Variants in DAPK1 observed in about 807,000 individuals in gnomAD.
DAPK1 encodes the protein death associated protein kinase 1, also known as death-associated protein kinase 1.
In DAPK1, 56 loss-of-function variants were observed where a neutral mutation model predicts 144.9. That is an observed-to-expected ratio of 0.39 (90% CI 0.31 to 0.48). The LOEUF (loss-of-function observed/expected upper bound fraction) is 0.48, where lower values mean the gene tolerates loss of function less well. Among genes scored for constraint, DAPK1 ranks in the 20% least tolerant of loss-of-function variants. DAPK1 has a pLI of 0.95. For missense variants in DAPK1, 1,454 were observed against 1,875.4 expected (o/e 0.78, Z 4.15); for synonymous variants, 690 against 749.0 (o/e 0.92, Z 1.29).
At chr9:87,503,415 A>G (rs1394093378) in intron 2 of DAPK1, among the ~76,000 whole-genome samples, 3 of 152,112 alleles carry the variant, frequency 2.0e-5, no homozygotes, top group Non-Finnish European at 2.9e-5. Context: ...TAGGGCAGAG[A>G]CACTGTGCCT....
Position 87,698,701 on chromosome 9 carries a change from C to T in DAPK1, c.2657C>T (p.Ala886Val). 1 of 1,597,888 alleles carries T rather than the reference C, an allele frequency of 6.3e-7. No individual in the cohort carries two copies. The highest frequency in any genetic ancestry group is 8.6e-7 in the Non-Finnish European group (1 of 1,165,206). ...LKNPLQVVLV[A>V]THADIMNVPR... ...AACCCACTCCAAGTTGTCCTGGTGG[C>T]CACCCACGCTGACATCATGAATGTT... is the stretch of plus-strand genomic sequence containing the variant. The change falls in exon 23 of 26, where the codon GCC becomes GTC. Residue 886 changes from alanine (A) to valine (V), a missense_variant. By Grantham distance (64) the Ala-to-Val change is moderately conservative (BLOSUM62 0). Coordinates refer to ENST00000408954, the MANE Select transcript of DAPK1 (RefSeq NM_004938.4).
chr9:87,679,132 A>G (rs1046769436), intron 19 of DAPK1, among the ~76,000 whole-genome samples: 6 of 151,578 alleles, frequency 4.0e-5, no homozygotes, highest in African/African-American at 1.5e-4. Context: ...TCTGTCATTT[A>G]TATGACACTG....
intron 2 of DAPK1, among the ~76,000 whole-genome samples, chr9:87,504,214 T>C (rs1417814979): frequency 1.3e-5 from 2 of 152,216 alleles, no homozygotes; most frequent in Non-Finnish European, 2.9e-5. Flanking sequence ...ATGTTTCCTC[T>C]GATAGGAAAG....
At chr9:87,666,097 G>A (rs1358944776) in intron 18 of DAPK1, among the ~76,000 whole-genome samples, 2 of 152,216 alleles carry the variant, frequency 1.3e-5, no homozygotes, top group Non-Finnish European at 2.9e-5. Context: ...AGGCCAGGTA[G>A]TTAGGGCAAT....
At chr9:87,639,870 T>G in intron 7 of DAPK1, 55 bp downstream of exon 7, 1 of 1,581,666 alleles carries the variant, frequency 6.3e-7, no homozygotes. Context: ...GACCATAGGT[T>G]TAATTAACCA....
chr9:87,697,935 A>T (rs1046590495), intron 22 of DAPK1, among the ~76,000 whole-genome samples: 4 of 152,222 alleles, frequency 2.6e-5, no homozygotes, highest in African/African-American at 9.6e-5. Context: ...CCTGGGTGAC[A>T]CAGTGAGACC....
At chr9:87,683,088 T>TA (rs200881918) in intron 20 of DAPK1, among the ~76,000 whole-genome samples, 6,249 of 147,354 alleles carry the variant, frequency 0.042, 233 homozygotes, top group East Asian at 0.15. Context: ...TTTATTTATT[T>TA]TTTTTTTTTT....
intron 2 of DAPK1, among the ~76,000 whole-genome samples, chr9:87,572,593 G>T (rs933957482): frequency 6.6e-6 from 1 of 152,066 alleles, no homozygotes; most frequent in Admixed American, 6.5e-5. Flanking sequence ...GTGAGACCTG[G>T]TTGCTGAAAA....
chr9:87,605,468 G>A (rs1284648895), intron 3 of DAPK1, among the ~76,000 whole-genome samples: 1 of 152,138 alleles, frequency 6.6e-6, no homozygotes, highest in East Asian at 1.9e-4. Context: ...GAGCACATCT[G>A]TTTTCTGAGT....
chr9:87,535,354 G>A (rs1370544563), intron 2 of DAPK1, among the ~76,000 whole-genome samples: 1 of 152,034 alleles, frequency 6.6e-6, no homozygotes, highest in Non-Finnish European at 1.5e-5. Flanking sequence ...ATTTATTTTA[G>A]TGTTTAATTC....
At chr9:87,704,278 T>C (rs1427017759) in intron 25 of DAPK1, among the ~76,000 whole-genome samples, 6 of 152,180 alleles carry the variant, frequency 3.9e-5, no homozygotes, top group Non-Finnish European at 8.8e-5. Context: ...CAATTCTAAT[T>C]CTAAACTCCT....
At chr9:87,612,475 G>A (rs574224943) in intron 3 of DAPK1, among the ~76,000 whole-genome samples, 2 of 152,182 alleles carry the variant, frequency 1.3e-5, no homozygotes, top group South Asian at 4.2e-4. Flanking sequence ...CCCTTAGAAG[G>A]ACCATCCCTA....
rs1449945755 is a variant in DAPK1, at chr9:87,549,207, T to A, written c.62+50068T>A. On this transcript the variant is annotated intron_variant, in intron 2 of 25. Transcript: ENST00000408954. ...CATGCAGTGTTTGGTTTTCTGTTCC[T>A]GTGTTAGTTTGCTGAGGATAATGGC... Among the ~76,000 whole-genome samples, 3 of 152,290 alleles carry A rather than the reference T, an allele frequency of 2.0e-5. No homozygotes were observed. The South Asian group carries it at 6.2e-4, about 32-fold the overall frequency.
At chr9:87,681,660 C>A in intron 20 of DAPK1, 34 bp downstream of exon 20, 2 of 1,092,672 alleles carry the variant, frequency 1.8e-6, no homozygotes, top group Non-Finnish European at 2.8e-6. Flanking sequence ...GTCTCTCCAG[C>A]AGGTGTTGGC....
At chr9:87,512,406 T>G (rs1824881742) in intron 2 of DAPK1, among the ~76,000 whole-genome samples, 1 of 152,208 alleles carries the variant, frequency 6.6e-6, no homozygotes, top group Non-Finnish European at 1.5e-5. Context: ...TGAAGCTCCA[T>G]TCAGTTGTGA....
chr9:87,592,391 A>G (rs182068845), intron 2 of DAPK1, among the ~76,000 whole-genome samples: 1 of 152,144 alleles, frequency 6.6e-6, no homozygotes, highest in Non-Finnish European at 1.5e-5. Context: ...AAAGCCCCCC[A>G]GTGATGATCA....
chr9:87,650,158 T>A, intron 16 of DAPK1, 40 bp downstream of exon 16: 1 of 1,605,250 alleles, frequency 6.2e-7, no homozygotes, highest in Non-Finnish European at 8.5e-7. Flanking sequence ...TGGGAAGTGA[T>A]CTAGGGGTCT....
chr9:87,571,527 A>ACACACACACACACC (rs1554684291), intron 2 of DAPK1, among the ~76,000 whole-genome samples: 6 of 141,390 alleles, frequency 4.2e-5, no homozygotes, highest in African/African-American at 1.4e-4. Context: ...ACACACACAC[A>ACACACACACACACC]CCAGAAGCGA....
At chr9:87,582,931 A>G (rs902505089) in intron 2 of DAPK1, among the ~76,000 whole-genome samples, 10 of 152,078 alleles carry the variant, frequency 6.6e-5, no homozygotes, top group Admixed American at 4.6e-4. Flanking sequence ...CAGGAGCAGC[A>G]GCAGCAGCAG....
Sources: gnomAD v4.1 joint callset for allele counts (sites outside exome capture counted in the v4.1 genomes callset) on GRCh38, gnomAD v4.1.1 for gene constraint, MANE v1.5 for transcripts, NCBI Gene and HGNC (gene_info 2026-07-23, HGNC 2026-07-21) for gene names.